Variants in PRAG1 observed in about 807,000 individuals in gnomAD.
PRAG1 encodes PEAK1 related, kinase-activating pseudokinase 1.
PRAG1 carries 110 observed loss-of-function variants against 95.6 expected under a neutral mutation model. The ratio of observed to expected loss-of-function variants is 1.15; its 90% confidence interval spans 0.99 to 1.35. The LOEUF (loss-of-function observed/expected upper bound fraction) is 1.35. Among genes scored for constraint, PRAG1 ranks in the 40% most tolerant of loss-of-function variants. The pLI is 0.00. For synonymous variants in PRAG1, 1,052 were observed against 819.4 expected, an observed-to-expected ratio of 1.28 and a Z score of -4.85; for missense variants, 2,554 against 1,864.7, an observed-to-expected ratio of 1.37 and a Z score of -6.81.
intron 2 of PRAG1, 80 bp from the exon 3 acceptor site, chr8:8,378,158 G>C: frequency 2.5e-5 from 36 of 1,440,374 alleles, no homozygotes; most frequent in Non-Finnish European, 3.2e-5. Flanking sequence ...TGAGAGGGAA[G>C]GGCAACGATA....
At position 8,379,299 on chromosome 8, in the gene PRAG1, T is replaced by C. The variant is rs1157363380; in HGVS notation, c.331-1221A>G. ...CTCGTTGGGCTATGAGACAGAGATG[T>C]GGACTGGTCATTACCATCCCTGAAG... On this transcript the variant is annotated intron_variant, in intron 2 of 5. Transcript: ENST00000615670. Among the ~76,000 whole-genome samples the C allele has an allele frequency of 3.3e-5, 5 of 152,320 alleles. No individual in the cohort carries two copies. In the South Asian group the frequency reaches 8.3e-4, roughly 25 times the overall value.
chr8:8,358,961 T>C (rs1003728179), intron 3 of PRAG1, among the ~76,000 whole-genome samples: 3 of 152,248 alleles, frequency 2.0e-5, no homozygotes, highest in Admixed American at 2.0e-4. Context: ...AGCTGTGACC[T>C]GGGACATGCC....
intron 5 of PRAG1, among the ~76,000 whole-genome samples, chr8:8,320,362 C>T (rs1464453324): frequency 2.6e-5 from 4 of 152,180 alleles, no homozygotes; most frequent in South Asian, 4.1e-4. Context: ...CTGTGGGAAG[C>T]ATAGCTGGGG....
chr8:8,334,613 G>A (rs915707412), intron 4 of PRAG1, among the ~76,000 whole-genome samples: 5 of 150,512 alleles, frequency 3.3e-5, no homozygotes, highest in African/African-American at 1.2e-4. Context: ...ATGTGAATGT[G>A]ATTTACATGC....
rs769240108 is a variant in PRAG1 at position 8,318,950 on chromosome 8, A to G, written c.3425T>C (p.Ile1142Thr). The G allele has an allele frequency of 1.2e-6, 2 of 1,612,690 alleles. No homozygotes were observed. Among genetic ancestry groups the G allele is most frequent in the Non-Finnish European group, 1.7e-6 (2 of 1,179,588 alleles). The change falls in exon 6 of 6, where the codon ATC (isoleucine) becomes ACC (threonine). Residue 1142 changes from isoleucine to threonine, a missense_variant. Coordinates refer to ENST00000615670, the MANE Select transcript of PRAG1 (RefSeq NM_001080826.3). The surrounding 1 kb of genome is among the most constrained non-coding windows in gnomAD (Gnocchi z 4.2). The part of the protein sequence containing the change: ...GLEHLKEHGI[I>T]HRDLCLENLL... Reference sequence around the variant, plus strand: ...GTTCTCCAGGCACAGGTCCCGGTGGATGATCCCGTGCTCCTTCAGGTGCTC... The same window carrying G: ...GTTCTCCAGGCACAGGTCCCGGTGGGTGATCCCGTGCTCCTTCAGGTGCTC...
intron 4 of PRAG1, 122 bp downstream of exon 4, chr8:8,339,356 A>G: frequency 9.4e-7 from 1 of 1,066,454 alleles, no homozygotes; most frequent in Non-Finnish European, 1.3e-6. Context: ...AGTCTACTTC[A>G]TTGAGAAAGC....
intron 4 of PRAG1, among the ~76,000 whole-genome samples, chr8:8,336,808 A>G (rs1326293198): frequency 6.6e-6 from 1 of 152,150 alleles, no homozygotes; most frequent in African/African-American, 2.4e-5. Context: ...AACATTTAGA[A>G]TAAACACCTG....
intron 3 of PRAG1, among the ~76,000 whole-genome samples, chr8:8,373,347 T>G (rs1469413687): frequency 2.6e-5 from 4 of 152,208 alleles, no homozygotes; most frequent in Admixed American, 2.6e-4. Flanking sequence ...CAGTAATGCT[T>G]GAGAAATGAA....
chr8:8,342,057 G>A (rs951881114), intron 3 of PRAG1, among the ~76,000 whole-genome samples: 1 of 152,122 alleles, frequency 6.6e-6, no homozygotes, highest in African/African-American at 2.4e-5. Flanking sequence ...CTTGAACCAA[G>A]GAGGCGGAGG....
chr8:8,326,354 A>G (rs954448331), intron 5 of PRAG1, among the ~76,000 whole-genome samples: 9 of 152,060 alleles, frequency 5.9e-5, no homozygotes, highest in Admixed American at 2.6e-4. Context: ...CACCAAGGCC[A>G]TTTCAAATTA....
chr8:8,380,852 CAAAAAAAAAAA>C (rs71217290), intron 2 of PRAG1, among the ~76,000 whole-genome samples: 4 of 64,448 alleles, frequency 6.2e-5, no homozygotes, highest in South Asian at 4.2e-4. Flanking sequence ...GACTCCATCT[CAAAAAAAAAAA>C]AAAAAAAAAA....
chr8:8,327,867 T>C lies in PRAG1; in HGVS notation c.2915A>G (p.Asp972Gly). 2 of 1,614,136 alleles carry C rather than the reference T, an allele frequency of 1.2e-6. No homozygotes were observed. The highest frequency in any genetic ancestry group is 1.7e-6 in the Non-Finnish European group (2 of 1,180,014). ...CTTTTTCTGGCCGCCCATGAAGAGG[T>C]CCTCACATTTGGCTACAAGGCGGGC... The part of the protein sequence containing the change: ...SLARLVAKCE[D>G]LFMGGQKKEL... Residue 972 changes from aspartate to glycine, a missense_variant, in exon 5 of 6, where the codon GAC becomes GGC. Asp to Gly is a moderately conservative substitution (Grantham distance 94). Coordinates refer to ENST00000615670, the MANE Select transcript of PRAG1 (RefSeq NM_001080826.3).
At chr8:8,330,941 G>C (rs1798800891) in intron 4 of PRAG1, among the ~76,000 whole-genome samples, 1 of 152,196 alleles carries the variant, frequency 6.6e-6, no homozygotes, top group East Asian at 1.9e-4. Flanking sequence ...CAAACTCCCA[G>C]CCTGATGAGC....
intron 3 of PRAG1, among the ~76,000 whole-genome samples, chr8:8,363,744 C>G (rs1799918511): frequency 6.6e-6 from 1 of 152,034 alleles, no homozygotes; most frequent in South Asian, 2.1e-4. Context: ...ATGTGTATGT[C>G]TATTTTTTAA....
At chr8:8,334,624 G>A (rs542486507) in intron 4 of PRAG1, among the ~76,000 whole-genome samples, 5 of 150,006 alleles carry the variant, frequency 3.3e-5, no homozygotes, top group East Asian at 3.9e-4. Flanking sequence ...ATTTACATGC[G>A]AAAGAAGAGA....
intron 3 of PRAG1, among the ~76,000 whole-genome samples, chr8:8,359,585 G>A (rs1240937642): frequency 2.0e-5 from 3 of 152,144 alleles, no homozygotes; most frequent in Non-Finnish European, 2.9e-5. Flanking sequence ...ATTGGATGAG[G>A]ACATACAAGG....
chr8:8,341,499 CTAAGGA>C, intron 3 of PRAG1, among the ~76,000 whole-genome samples: 1 of 152,140 alleles, frequency 6.6e-6, no homozygotes, highest in East Asian at 1.9e-4. Flanking sequence ...CTTTATCAGG[CTAAGGA>C]TGTTTATTTC....
chr8:8,328,148 AGAG>A lies in PRAG1; in HGVS notation c.2631_2633del (p.Ser879del), dbSNP rs748179534. ...TGAAAGCTTTCTCCAGAGGATCGGA[AGAG>A]GAGAAGACAGGATGGTGGCGGTTCC... On this transcript the variant is annotated inframe_deletion, in exon 5 of 6. Coordinates refer to ENST00000615670, the MANE Select transcript of PRAG1 (RefSeq NM_001080826.3). The A allele has an allele frequency of 2.3e-4, 377 of 1,614,142 alleles. 1 individual carries two copies. The highest frequency in any genetic ancestry group is 3.0e-4 in the Non-Finnish European group (351 of 1,180,054).
intron 3 of PRAG1, among the ~76,000 whole-genome samples, chr8:8,371,135 A>AG (rs2116918242): frequency 1.0e-5 from 1 of 99,254 alleles, no homozygotes; most frequent in African/African-American, 5.2e-5. Flanking sequence ...CTGTCTCAAA[A>AG]AAAAAAAAAA....
Sources: allele counts gnomAD v4.1 joint callset (sites outside exome capture counted in the v4.1 genomes callset), GRCh38; gene constraint gnomAD v4.1.1; non-coding constraint Gnocchi (gnomAD v3.1); transcripts MANE v1.5; gene names NCBI Gene and HGNC (gene_info 2026-07-23, HGNC 2026-07-21).